Variants in IL1RAPL1 observed in about 807,000 individuals in gnomAD.
IL1RAPL1 encodes interleukin 1 receptor accessory protein like 1.
IL1RAPL1 carries 3 observed loss-of-function variants against 48.4 expected under a neutral mutation model. The observed-to-expected ratio is 0.06, with a 90% CI of 0.03 to 0.16. IL1RAPL1 has a LOEUF of 0.16. Ranked by LOEUF, IL1RAPL1 falls within the 10% of genes least tolerant of loss-of-function variation. The probability of loss-of-function intolerance (pLI) is 1.00; values close to 1 mark genes in which losing one functional copy is unlikely to be tolerated. For synonymous variants in IL1RAPL1, 185 were observed against 187.7 expected, an observed-to-expected ratio of 0.99 and a Z score of 0.12; for missense variants, 349 against 530.6, an observed-to-expected ratio of 0.66 and a Z score of 3.36.
intron 5 of IL1RAPL1, among the ~76,000 whole-genome samples, chrX:29,652,343 G>C (rs1001908256): frequency 7.2e-5 from 8 of 111,598 alleles, no homozygotes; most frequent in Admixed American, 5.7e-4. Flanking sequence ...TTGTGTTTAA[G>C]AGTCCCAGAA....
intron 2 of IL1RAPL1, among the ~76,000 whole-genome samples, chrX:29,261,866 C>A (rs1931867470): frequency 9.0e-6 from 1 of 111,454 alleles, no homozygotes; most frequent in South Asian, 3.7e-4. Flanking sequence ...TAATACCTTT[C>A]CTTTCTTTGG....
At chrX:29,764,877 C>T (rs760295890) in intron 6 of IL1RAPL1, among the ~76,000 whole-genome samples, 6 of 111,669 alleles carry the variant, frequency 5.4e-5, no homozygotes, top group Admixed American at 3.8e-4. Flanking sequence ...TGGCCAACTC[C>T]GCTCATGCCT....
intron 2 of IL1RAPL1, among the ~76,000 whole-genome samples, chrX:29,006,719 A>T (rs1214742588): frequency 9.8e-6 from 1 of 101,831 alleles, no homozygotes; most frequent in Non-Finnish European, 2.0e-5. Flanking sequence ...CAAATTTCCC[A>T]ACTCAAGTAT....
In IL1RAPL1 at chrX:29,389,223, G is replaced by C. The variant is rs188475959; in HGVS notation, c.363-7035G>C. Among the ~76,000 whole-genome samples the C allele has an allele frequency of 1.0e-4, 11 of 108,794 alleles. No individual in the cohort carries two copies. In the East Asian group the frequency reaches 3.2e-3, roughly 31 times the overall value. The allele number at this position is 108,794 out of a possible 115,157, so 94.5% of individuals were successfully genotyped here. Reference sequence around the variant, plus strand: ...TACAAAAAATTAGCCGGGCGTGGTGGCGGGCGCCTATAGTCCCAGCTACTT... The same window carrying C: ...TACAAAAAATTAGCCGGGCGTGGTGCCGGGCGCCTATAGTCCCAGCTACTT... On this transcript the variant is annotated intron_variant, in intron 3 of 10. Transcript: ENST00000378993.
intron 6 of IL1RAPL1, among the ~76,000 whole-genome samples, chrX:29,781,929 A>G (rs955237630): frequency 9.0e-6 from 1 of 111,340 alleles, no homozygotes; most frequent in Non-Finnish European, 1.9e-5. Context: ...GTAAACCTCT[A>G]TCTTCCTTGA....
At chrX:29,823,281 A>G (rs1188355977) in intron 6 of IL1RAPL1, among the ~76,000 whole-genome samples, 1 of 112,060 alleles carries the variant, frequency 8.9e-6, no homozygotes, top group African/African-American at 3.2e-5. Flanking sequence ...GTAATAAATA[A>G]TAGCCTGAGC....
chrX:28,648,141 T>G (rs1934637277), intron 1 of IL1RAPL1, among the ~76,000 whole-genome samples: 1 of 111,187 alleles, frequency 9.0e-6, no homozygotes, highest in South Asian at 3.8e-4. Context: ...TGCCTCTGCC[T>G]GGAATGGGTC....
chrX:29,515,000 G>T (rs1271038638), intron 5 of IL1RAPL1, among the ~76,000 whole-genome samples: 1 of 112,134 alleles, frequency 8.9e-6, no homozygotes, highest in Non-Finnish European at 1.9e-5. Context: ...TGTCACCTCA[G>T]TGCAGCTATA....
intron 1 of IL1RAPL1, among the ~76,000 whole-genome samples, chrX:28,660,293 AAG>A (rs1328618623): frequency 1.8e-5 from 2 of 111,012 alleles, no homozygotes; most frequent in African/African-American, 6.6e-5. Context: ...TAATACATGT[AAG>A]AGTTATTTGT....
chrX:29,148,743 A>G (rs913563310), intron 2 of IL1RAPL1, among the ~76,000 whole-genome samples: 1 of 111,841 alleles, frequency 8.9e-6, no homozygotes, highest in African/African-American at 3.2e-5. Context: ...AACTTGAAGT[A>G]GCGGTTGCAC....
chrX:28,979,855 AT>A (rs1200858514), intron 2 of IL1RAPL1, among the ~76,000 whole-genome samples: 5 of 112,022 alleles, frequency 4.5e-5, no homozygotes, highest in Admixed American at 2.8e-4. Flanking sequence ...ATTTCCAAAG[AT>A]AAAAATGCCT....
intron 5 of IL1RAPL1, among the ~76,000 whole-genome samples, chrX:29,579,800 G>C (rs1193487218): frequency 8.9e-6 from 1 of 111,892 alleles, no homozygotes; most frequent in African/African-American, 3.2e-5. Flanking sequence ...CTCAGACCAA[G>C]ATTTGTGTAG....
Position 29,465,648 on chromosome X carries a change from T to C in IL1RAPL1, c.703+66340T>C, listed in dbSNP as rs766328810. On this transcript the variant is annotated intron_variant, in intron 5 of 10. Coordinates refer to ENST00000378993, the MANE Select transcript of IL1RAPL1 (RefSeq NM_014271.4). ...GGGGGTACAGAATGGGCATTGGGAT[T>C]TTTTAAAGATCTGAAATTGTTTTAA... Among the ~76,000 whole-genome samples the C allele has an allele frequency of 3.6e-5, 4 of 111,059 alleles. No individual in the cohort carries two copies. In the East Asian group the frequency reaches 1.1e-3, roughly 31 times the overall value.
chrX:29,942,547 A>G (rs1196535402), intron 9 of IL1RAPL1, among the ~76,000 whole-genome samples: 1 of 111,797 alleles, frequency 8.9e-6, no homozygotes, highest in Non-Finnish European at 1.9e-5. Context: ...AAATAAACTA[A>G]GATAAACCAG....
chrX:29,615,810 T>A (rs1243853682), intron 5 of IL1RAPL1, among the ~76,000 whole-genome samples: 1 of 112,554 alleles, frequency 8.9e-6, no homozygotes, highest in Non-Finnish European at 1.9e-5. Flanking sequence ...TATCTATTTT[T>A]GTTTCTCCTT....
At chrX:29,554,776 CA>C (rs1339115683) in intron 5 of IL1RAPL1, among the ~76,000 whole-genome samples, 17 of 107,734 alleles carry the variant, frequency 1.6e-4, no homozygotes, top group Admixed American at 3.0e-4. Flanking sequence ...AAAATTGCCT[CA>C]AAAAAAAAAT....
chrX:28,891,908 T>C (rs113369539), intron 2 of IL1RAPL1, among the ~76,000 whole-genome samples: 1,280 of 111,596 alleles, frequency 0.011, 16 homozygotes, highest in African/African-American at 0.039. Context: ...ATTATGGCCA[T>C]CCTAGTAAGT....
intron 5 of IL1RAPL1, among the ~76,000 whole-genome samples, chrX:29,444,834 G>A (rs183065709): frequency 1.5e-4 from 17 of 112,078 alleles, no homozygotes; most frequent in Non-Finnish European, 3.2e-4. Context: ...ATTAAGACTA[G>A]ATAATGATTG....
chrX:29,099,015 G>T (rs1928274760), intron 2 of IL1RAPL1, among the ~76,000 whole-genome samples: 1 of 110,832 alleles, frequency 9.0e-6, no homozygotes, highest in African/African-American at 3.3e-5. Context: ...AGCTGGGCAT[G>T]GTGGTGGGCG....
Sources: gnomAD v4.1 joint callset for allele counts (sites outside exome capture counted in the v4.1 genomes callset) on GRCh38, gnomAD v4.1.1 for gene constraint, MANE v1.5 for transcripts, NCBI Gene and HGNC (gene_info 2026-07-23, HGNC 2026-07-21) for gene names.